The following SEZ6L variants were observed in gnomAD, a reference collection of about 807,000 sequenced individuals.
The protein encoded by SEZ6L is seizure related 6 homolog like.
A neutral mutation model predicts 106.2 loss-of-function variants in SEZ6L; 37 were observed. That is an observed-to-expected ratio of 0.35 (90% CI 0.27 to 0.46). SEZ6L has a LOEUF of 0.46. Ranked by LOEUF, SEZ6L falls within the 20% of genes least tolerant of loss-of-function variation. The pLI, the probability that SEZ6L is intolerant of heterozygous loss-of-function variation, is 1.00. For synonymous variants in SEZ6L, 541 were observed against 570.4 expected (o/e 0.95, Z 0.73); for missense variants, 1,172 against 1,332.8 (o/e 0.88, Z 1.88).
intron 1 of SEZ6L, among the ~76,000 whole-genome samples, chr22:26,277,634 A>G (rs1001514937): frequency 1.3e-5 from 2 of 152,200 alleles, no homozygotes; most frequent in Non-Finnish European, 2.9e-5. Context: ...AGCATACACC[A>G]TCTACAAATC....
chr22:26,337,135 T>C lies in SEZ6L; in HGVS notation c.2016-3301T>C, dbSNP rs1039217151. ...CATAGACGAGGAATATTAAGGCTGA[T>C]TCACAGACAAGAAATTTCAGAAAAA... is the stretch of plus-strand genomic sequence containing the variant. On this transcript the variant is annotated intron_variant, in intron 9 of 16. Transcript: ENST00000248933. 2.6e-5 allele frequency among the ~76,000 whole-genome samples: 4 copies of C among 151,994 alleles called. No homozygotes were observed. The East Asian group carries it at 7.7e-4, about 29-fold the overall frequency.
At chr22:26,229,121 C>T (rs1325368043) in intron 1 of SEZ6L, among the ~76,000 whole-genome samples, 1 of 152,166 alleles carries the variant, frequency 6.6e-6, no homozygotes, top group African/African-American at 2.4e-5. Flanking sequence ...CTCAGCCTCC[C>T]GAGTGGCTGG....
At chr22:26,339,195 T>C (rs2082745940) in intron 9 of SEZ6L, among the ~76,000 whole-genome samples, 1 of 152,114 alleles carries the variant, frequency 6.6e-6, no homozygotes. Context: ...ATCACTACTC[T>C]GTGACCCTTC....
At position 26,249,257 on chromosome 22, in the gene SEZ6L, G is replaced by A. The variant is rs78509863; in HGVS notation, c.95-43149G>A. 3.4e-3 allele frequency among the ~76,000 whole-genome samples: 512 copies of A among 152,230 alleles called. 16 individuals are homozygous for A. The East Asian group carries it at 0.054, about 16-fold the overall frequency. ...GTCACCATCTAGTGCTATAGAACATGAGATCTTATTCCTCCGATCTAGCTG... is the reference window on the plus strand; with the variant it reads ...GTCACCATCTAGTGCTATAGAACATAAGATCTTATTCCTCCGATCTAGCTG... On this transcript the variant is annotated intron_variant, in intron 1 of 16. Coordinates refer to ENST00000248933, the MANE Select transcript of SEZ6L (RefSeq NM_021115.5).
rs572092512 is a variant in SEZ6L at position 26,307,453 on chromosome 22, A to T, written c.1514+1309A>T. 1.5e-4 allele frequency among the ~76,000 whole-genome samples: 22 copies of T among 150,822 alleles called. 1 individual carries two copies. The South Asian group carries it at 4.6e-3, about 32-fold the overall frequency. Reference sequence around the variant, plus strand: ...TTCTTTGATGGATCAAACCTAGACTATGAGGTCTTTAGTTTGGAAAGACTT... The same window carrying T: ...TTCTTTGATGGATCAAACCTAGACTTTGAGGTCTTTAGTTTGGAAAGACTT... On this transcript the variant is annotated intron_variant, in intron 6 of 16. Coordinates refer to ENST00000248933, the MANE Select transcript of SEZ6L (RefSeq NM_021115.5).
At chr22:26,326,136 ATGTTC>A (rs2082299684) in intron 9 of SEZ6L, among the ~76,000 whole-genome samples, 1 of 152,172 alleles carries the variant, frequency 6.6e-6, no homozygotes, top group African/African-American at 2.4e-5. Flanking sequence ...ACACATGCCC[ATGTTC>A]TGCTCCTTGG....
chr22:26,338,835 C>T (rs2082726716), intron 9 of SEZ6L, among the ~76,000 whole-genome samples: 1 of 138,686 alleles, frequency 7.2e-6, no homozygotes, highest in South Asian at 2.2e-4. Context: ...GGATTATAGG[C>T]GTGAGCCACC....
intron 9 of SEZ6L, among the ~76,000 whole-genome samples, chr22:26,338,867 C>CTTTTTTTTTTTTTTTTTTTTTTTT (rs71192914): frequency 3.4e-5 from 3 of 87,464 alleles, no homozygotes; most frequent in African/African-American, 9.8e-5. Context: ...TTTTTTTTTT[C>CTTTTTTTTTTTTTTTTTTTTTTTT]TTTTTTTTTT....
At chr22:26,258,205 T>A (rs551032944) in intron 1 of SEZ6L, among the ~76,000 whole-genome samples, 233 of 152,302 alleles carry the variant, frequency 1.5e-3, no homozygotes, top group Non-Finnish European at 2.5e-3. Flanking sequence ...GGAGAGTAAG[T>A]TTCTTACATA....
intron 5 of SEZ6L, 39 bp downstream of exon 5, chr22:26,299,208 A>G (rs1230824767): frequency 2.3e-6 from 3 of 1,332,536 alleles, no homozygotes; most frequent in Admixed American, 3.6e-5. Flanking sequence ...CTGATGGTCC[A>G]ACTAAGAGGG....
intron 1 of SEZ6L, among the ~76,000 whole-genome samples, chr22:26,211,441 T>A (rs1024032280): frequency 2.0e-5 from 3 of 152,088 alleles, no homozygotes; most frequent in African/African-American, 7.2e-5. Context: ...GAATATAAGT[T>A]CTAAAGGAAG....
chr22:26,335,211 C>G (rs2082608619), intron 9 of SEZ6L, among the ~76,000 whole-genome samples: 2 of 152,206 alleles, frequency 1.3e-5, no homozygotes, highest in Admixed American at 1.3e-4. Flanking sequence ...TGGAACCAGT[C>G]TGTCAAAAAA....
intron 5 of SEZ6L, among the ~76,000 whole-genome samples, chr22:26,305,034 T>C (rs773466351): frequency 7.9e-5 from 12 of 152,240 alleles, no homozygotes; most frequent in Non-Finnish European, 1.2e-4. Context: ...GTACAGCATG[T>C]TACTGTGCTG....
At chr22:26,180,794 G>A (rs889902378) in intron 1 of SEZ6L, among the ~76,000 whole-genome samples, 5 of 152,226 alleles carry the variant, frequency 3.3e-5, no homozygotes, top group Non-Finnish European at 7.3e-5. Context: ...GTGGATTTAA[G>A]AGCAATAAGG....
chr22:26,336,016 C>T (rs372099211), intron 9 of SEZ6L, among the ~76,000 whole-genome samples: 1 of 152,248 alleles, frequency 6.6e-6, no homozygotes, highest in East Asian at 1.9e-4. Flanking sequence ...TCTTTTCCTT[C>T]TCTTATATAA....
At chr22:26,357,577 T>A (rs1387116567) in intron 12 of SEZ6L, among the ~76,000 whole-genome samples, 3 of 152,188 alleles carry the variant, frequency 2.0e-5, no homozygotes, top group African/African-American at 7.2e-5. Flanking sequence ...TTTATTGAAA[T>A]GATCTGTTTA....
intron 1 of SEZ6L, among the ~76,000 whole-genome samples, chr22:26,275,231 C>T (rs745735763): frequency 5.9e-5 from 9 of 152,210 alleles, no homozygotes; most frequent in African/African-American, 1.4e-4. Flanking sequence ...AAAAGAGATA[C>T]GTATTCAGTA....
intron 1 of SEZ6L, among the ~76,000 whole-genome samples, chr22:26,265,676 G>T (rs1431744214): frequency 1.3e-5 from 2 of 152,136 alleles, no homozygotes; most frequent in African/African-American, 4.8e-5. Flanking sequence ...AAATAAAAAT[G>T]GAGCTCTAAG....
Position 26,381,957 on chromosome 22 carries a change from G to A in SEZ6L, c.*1662G>A, listed in dbSNP as rs2084421967. ...AATAGCAGGGAGTCTATGTTTTGGT[G>A]GTTACATTGGAAACATCTTAAGCAA... On this transcript the variant is annotated 3_prime_UTR_variant, in exon 17 of 17. Coordinates refer to ENST00000248933, the MANE Select transcript of SEZ6L (RefSeq NM_021115.5). The A allele has an allele frequency of 3.9e-6, 2 of 509,636 alleles. No homozygotes were observed. The highest frequency in any genetic ancestry group is 2.0e-5 in the Admixed American group (1 of 50,452). 31.6% of individuals were successfully genotyped at this position (509,636 alleles called of 1,614,324 possible). A position where few individuals can be genotyped will look rare whatever the true frequency, so the allele number is the denominator to read the frequency against.
Sources: allele counts gnomAD v4.1 joint callset (sites outside exome capture counted in the v4.1 genomes callset), GRCh38; gene constraint gnomAD v4.1.1; transcripts MANE v1.5; gene names NCBI Gene and HGNC (gene_info 2026-07-23, HGNC 2026-07-21).